Variants in CSMD2 observed in about 807,000 individuals in gnomAD.
The protein encoded by CSMD2 is CUB and sushi domain-containing protein 2.
In CSMD2, 130 loss-of-function variants were observed where a neutral mutation model predicts 398.5. That is an observed-to-expected ratio of 0.33 (90% CI 0.28 to 0.38). The LOEUF (loss-of-function observed/expected upper bound fraction) is 0.38. Among genes scored for constraint, CSMD2 ranks in the 10% least tolerant of loss-of-function variants. The pLI, the probability that CSMD2 is intolerant of heterozygous loss-of-function variation, is 1.00. For missense variants in CSMD2, 3,829 were observed against 4,764.9 expected (o/e 0.80, Z 5.78); for synonymous variants, 1,828 against 1,908.5 (o/e 0.96, Z 1.10).
intron 3 of CSMD2, among the ~76,000 whole-genome samples, chr1:33,936,959 G>A (rs1295385657): frequency 6.6e-6 from 1 of 152,204 alleles, no homozygotes; most frequent in Non-Finnish European, 1.5e-5. Context: ...GGTGGTAAGT[G>A]CAGACTTGGA....
At position 33,657,949 on chromosome 1, in the gene CSMD2, T is replaced by C; in HGVS notation, c.4444A>G (p.Ile1482Val). 6.2e-7 allele frequency: 1 copy of C among 1,613,266 alleles called. No individual in the cohort carries two copies. Among genetic ancestry groups the C allele is most frequent in the Non-Finnish European group, 8.5e-7 (1 of 1,179,306 alleles). ...FFWQPSPPTC[I>V]APCGGDLTGP... Reference sequence around the variant, plus strand: ...GCACCCTGCAGCTGCTTTGTACCGATGCATGTTGGCGGGCTGGGCTGCCAG... The same window carrying C: ...GCACCCTGCAGCTGCTTTGTACCGACGCATGTTGGCGGGCTGGGCTGCCAG... Residue 1482 changes from isoleucine to valine, a missense_variant, in exon 27 of 71, where the codon ATC (isoleucine) becomes GTC (valine). Ile to Val is a conservative substitution (Grantham distance 29). Transcript: ENST00000373381.
intron 12 of CSMD2, among the ~76,000 whole-genome samples, chr1:33,773,074 G>C (rs549146694): frequency 2.1e-4 from 32 of 152,322 alleles, no homozygotes; most frequent in Admixed American, 1.8e-3. Flanking sequence ...CAATTTTAGG[G>C]AGAAGGTGGG....
intron 44 of CSMD2, chr1:33,592,176 A>G: frequency 1.9e-6 from 1 of 534,078 alleles, no homozygotes; most frequent in Non-Finnish European, 3.4e-6. Context: ...GAGGAACTGA[A>G]GGGCCATCAG....
intron 6 of CSMD2, among the ~76,000 whole-genome samples, chr1:33,826,034 G>A (rs1281478593): frequency 6.6e-6 from 1 of 152,140 alleles, no homozygotes; most frequent in African/African-American, 2.4e-5. Context: ...AGAGGCTCTG[G>A]GACTCCCCCG....
At chr1:33,887,212 G>C (rs1023704525) in intron 5 of CSMD2, among the ~76,000 whole-genome samples, 1 of 149,918 alleles carries the variant, frequency 6.7e-6, no homozygotes, top group South Asian at 2.1e-4. Flanking sequence ...TATTCATTCT[G>C]GGAATTGCTC....
At chr1:33,782,370 T>C in intron 12 of CSMD2, among the ~76,000 whole-genome samples, 1 of 152,104 alleles carries the variant, frequency 6.6e-6, no homozygotes, top group South Asian at 2.1e-4. Flanking sequence ...AACTGAGCAT[T>C]TACTAAATGT....
chr1:33,703,744 A>G (rs934781764), intron 22 of CSMD2, among the ~76,000 whole-genome samples: 2 of 152,198 alleles, frequency 1.3e-5, no homozygotes, highest in Non-Finnish European at 2.9e-5. Context: ...ATTTGGTTAG[A>G]TATTACCAGA....
chr1:34,004,106 C>T (rs1646984666), intron 3 of CSMD2, among the ~76,000 whole-genome samples: 1 of 152,188 alleles, frequency 6.6e-6, no homozygotes, highest in Admixed American at 6.5e-5. Flanking sequence ...ACACTTCTTC[C>T]ATGACTTTAG....
At chr1:34,002,150 A>G (rs1330869591) in intron 3 of CSMD2, among the ~76,000 whole-genome samples, 1 of 152,184 alleles carries the variant, frequency 6.6e-6, no homozygotes, top group Non-Finnish European at 1.5e-5. Flanking sequence ...CATTAGCATT[A>G]GTTTGTTATC....
rs746616534 is a variant in CSMD2 at position 33,825,678 on chromosome 1, C to A, written c.1111+19G>T. The A allele has an allele frequency of 6.3e-7, 1 of 1,575,646 alleles. No homozygotes were observed. The highest frequency in any genetic ancestry group is 8.6e-7 in the Non-Finnish European group (1 of 1,161,364). ...TCAAGCAAGAGGCCCGGCAGGCGGG[C>A]TGGCGGGCGGACACTTACACACAGA... On this transcript the variant is annotated intron_variant, in intron 7 of 70. Coordinates refer to ENST00000373381, the MANE Select transcript of CSMD2 (RefSeq NM_001281956.2).
At chr1:33,648,478 G>C (rs759632423) in intron 28 of CSMD2, among the ~76,000 whole-genome samples, 2 of 152,022 alleles carry the variant, frequency 1.3e-5, no homozygotes, top group African/African-American at 4.8e-5. Flanking sequence ...AGTACAATCC[G>C]GAAGACAAAG....
chr1:33,993,823 A>G (rs1475702158), intron 3 of CSMD2, among the ~76,000 whole-genome samples: 2 of 151,956 alleles, frequency 1.3e-5, no homozygotes, highest in African/African-American at 2.4e-5. Context: ...GGAAATATTT[A>G]CCACCACTCT....
chr1:33,580,356 A>G (rs372180629), intron 48 of CSMD2, among the ~76,000 whole-genome samples: 29 of 152,280 alleles, frequency 1.9e-4, no homozygotes, highest in African/African-American at 6.5e-4. Context: ...TGGCTTGCAG[A>G]GCAGAAGAAA....
intron 3 of CSMD2, among the ~76,000 whole-genome samples, chr1:34,023,364 G>T (rs1387257838): frequency 1.3e-5 from 2 of 152,206 alleles, no homozygotes; most frequent in African/African-American, 4.8e-5. Flanking sequence ...TTAGAACCCA[G>T]CCTATACGCT....
rs1032328580 is a variant in CSMD2 at position 34,074,750 on chromosome 1, G to A, written c.404+14227C>T. Among the ~76,000 whole-genome samples, 35 of 123,656 alleles carry A rather than the reference G, an allele frequency of 2.8e-4. No individual in the cohort carries two copies. The Admixed American group carries it at 2.9e-3, about 10-fold the overall frequency. The allele number at this position is 123,656 out of a possible 152,430, so 81.1% of individuals were successfully genotyped here. ...GACACACACACACACACACACGCGT[G>A]TGTAAAACCACAAAGGGTGAATGCA... On this transcript the variant is annotated intron_variant, in intron 2 of 70. Coordinates refer to ENST00000373381, the MANE Select transcript of CSMD2 (RefSeq NM_001281956.2).
chr1:33,628,613 G>A (rs1642270180), intron 32 of CSMD2, among the ~76,000 whole-genome samples: 1 of 148,964 alleles, frequency 6.7e-6, no homozygotes, highest in Non-Finnish European at 1.5e-5. Flanking sequence ...AGGTTGCAGT[G>A]AGCTGAGATT....
chr1:34,155,508 GA>G (rs1640732292), intron 1 of CSMD2, among the ~76,000 whole-genome samples: 2 of 152,158 alleles, frequency 1.3e-5, no homozygotes, highest in Admixed American at 6.5e-5. Flanking sequence ...GGTGGTTGGG[GA>G]AAAGGCTGTG....
chr1:34,120,814 G>A (rs1209872110), intron 1 of CSMD2, among the ~76,000 whole-genome samples: 2 of 152,034 alleles, frequency 1.3e-5, no homozygotes, highest in Non-Finnish European at 2.9e-5. Flanking sequence ...CAAAGTGCTG[G>A]GATTACAGGC....
At chr1:34,143,931 T>C (rs1029666887) in intron 1 of CSMD2, among the ~76,000 whole-genome samples, 1 of 152,220 alleles carries the variant, frequency 6.6e-6, no homozygotes, top group Non-Finnish European at 1.5e-5. Context: ...TTTTAAACCA[T>C]TGTCCCATTT....
Sources: gnomAD v4.1 joint callset for allele counts (sites outside exome capture counted in the v4.1 genomes callset) on GRCh38, gnomAD v4.1.1 for gene constraint, MANE v1.5 for transcripts, NCBI Gene and HGNC (gene_info 2026-07-23, HGNC 2026-07-21) for gene names.